The following CHADL variants were observed in gnomAD, a reference collection of about 807,000 sequenced individuals.
CHADL encodes the protein chondroadherin-like protein.
In CHADL, 48 loss-of-function variants were observed where a neutral mutation model predicts 52.1. The observed-to-expected ratio is 0.92, with a 90% confidence interval of 0.73 to 1.17. CHADL has a LOEUF of 1.17. CHADL is among the 50% of genes most tolerant of loss of function. The probability of loss-of-function intolerance (pLI) is 0.00; values close to 1 mark genes in which losing one functional copy is unlikely to be tolerated. For synonymous variants in CHADL, 498 were observed against 511.2 expected (o/e 0.97, Z 0.35); for missense variants, 977 against 1,035.1 (o/e 0.94, Z 0.77).
chr22:41,237,469 G>T lies in CHADL; in HGVS notation c.1603C>A (p.Arg535Ser), dbSNP rs778853105. The change falls in exon 3 of 6, where the codon CGC (arginine) becomes AGC (serine). Residue 535 changes from arginine to serine, a missense_variant. By Grantham distance (110) the Arg-to-Ser change is moderately radical (BLOSUM62 -1). Coordinates refer to ENST00000216241, the MANE Select transcript of CHADL (RefSeq NM_138481.2). The stretch of plus-strand genomic sequence containing the variant: ...CTCCCCAGGTCCCCAGGTGCCAGGC[G>T]GTCCACAGCGTTGTCCTGCAGGTGC... ...SLHLQDNAVDRLAPGDLGRTR... is the reference protein window; with the variant it reads ...SLHLQDNAVDSLAPGDLGRTR... The T allele has an allele frequency of 3.9e-6, 6 of 1,550,384 alleles. No homozygotes were observed. In the South Asian group the frequency reaches 7.1e-5, roughly 18 times the overall value.
Position 41,238,229 on chromosome 22 carries a change from G to C in CHADL, c.843C>G (p.His281Gln). ...PRAFAHCPRL[H>Q]TLDLRGNQLD... ...GCTGGTTCCCGCGGAGGTCGAGGGTGTGCAGGCGCGGACAGTGTGCGAAGG... is the reference window on the plus strand; with the variant it reads ...GCTGGTTCCCGCGGAGGTCGAGGGTCTGCAGGCGCGGACAGTGTGCGAAGG... The change falls in exon 3 of 6, where the codon CAC becomes CAG. Residue 281 changes from histidine to glutamine, a missense_variant. Physicochemically the swap from His to Gln is conservative, Grantham distance 24 (BLOSUM62 0). Transcript: ENST00000216241. The surrounding 1 kb of genome is among the most constrained non-coding windows in gnomAD (Gnocchi z 4.9). 1 of 1,528,594 alleles carries C rather than the reference G, an allele frequency of 6.5e-7. No individual in the cohort carries two copies. 94.7% of individuals were successfully genotyped at this position (1,528,594 alleles called of 1,614,324 possible).
intron 5 of CHADL, chr22:41,230,320 C>G: frequency 8.8e-7 from 1 of 1,133,864 alleles, no homozygotes; most frequent in Non-Finnish European, 1.3e-6. Context: ...CACCACCATG[C>G]CTCCACCTGA....
rs1211308906 is a variant in CHADL at position 41,238,456 on chromosome 22, G to A, written c.616C>T (p.Pro206Ser). 1.2e-5 allele frequency: 18 copies of A among 1,529,960 alleles called. No homozygotes were observed. The East Asian group carries it at 4.4e-4, about 38-fold the overall frequency. The allele number at this position is 1,529,960 out of a possible 1,614,324, so 94.8% of individuals were successfully genotyped here. The change falls in exon 3 of 6, where the codon CCC becomes TCC. Residue 206 changes from proline (P) to serine (S), a missense_variant. Coordinates refer to ENST00000216241, the MANE Select transcript of CHADL (RefSeq NM_138481.2). This position sits in a 1 kb window ranked among gnomAD's most constrained non-coding sequence, Gnocchi z 4.9. ...TGTAGGCTGAGCCGTCTCAGGGCGG[G>A]CAGGCCAGCCAGGGCCTCGGGGGCC... ...VLAPEALAGL[P>S]ALRRLSLHHN... is the part of the protein sequence containing the mutation.
rs1336352954 is a variant in CHADL, at chr22:41,238,905, AGT to A, written c.187-22_187-21del. ...GGTCAGCTGGGGACAGCGAGGAGAA[AGT>A]GGGGCTGAGCCAGGCAGGGACCCCG... On this transcript the variant is annotated intron_variant, in intron 2 of 5. Coordinates refer to ENST00000216241, the MANE Select transcript of CHADL (RefSeq NM_138481.2). The surrounding 1 kb of genome is among the most constrained non-coding windows in gnomAD (Gnocchi z 4.9). 1 of 1,515,540 alleles carries A rather than the reference AGT, an allele frequency of 6.6e-7. No homozygotes were observed. 93.9% of individuals were successfully genotyped at this position (1,515,540 alleles called of 1,614,324 possible).
chr22:41,230,640 CTCTG>C (rs1329684595), intron 5 of CHADL: 3 of 211,866 alleles, frequency 1.4e-5, no homozygotes, highest in Admixed American at 5.4e-5. Context: ...AGACAGTGAA[CTCTG>C]TCTGCCTGAA....
intron 5 of CHADL, among the ~76,000 whole-genome samples, chr22:41,234,388 T>TATG (rs2032696204): frequency 6.8e-6 from 1 of 147,566 alleles, no homozygotes; most frequent in Non-Finnish European, 1.5e-5. Context: ...TTATTATTAT[T>TATG]ATTATTATTA....
intron 4 of CHADL, among the ~76,000 whole-genome samples, chr22:41,235,619 C>T (rs543865413): frequency 1.3e-5 from 2 of 152,200 alleles, no homozygotes; most frequent in South Asian, 2.1e-4. Flanking sequence ...CACTTCAAGC[C>T]TCTGATCCCT....
chr22:41,231,078 C>G (rs1052923151), intron 5 of CHADL: 1 of 152,206 alleles, frequency 6.6e-6, no homozygotes. Context: ...ACTGGAGCCT[C>G]TAGAGAGCTG....
At chr22:41,232,020 T>C (rs972399718) in intron 5 of CHADL, among the ~76,000 whole-genome samples, 4 of 152,158 alleles carry the variant, frequency 2.6e-5, no homozygotes, top group Admixed American at 2.6e-4. Context: ...CAGTACAGTT[T>C]AGTCGTTTGG....
chr22:41,238,661 C>T lies in CHADL; in HGVS notation c.411G>A (p.Arg137=), dbSNP rs1369162259. Residue 137 remains arginine, a synonymous_variant, in exon 3 of 6, where the codon CGG becomes CGA. Coordinates refer to ENST00000216241, the MANE Select transcript of CHADL (RefSeq NM_138481.2). The surrounding 1 kb of genome is among the most constrained non-coding windows in gnomAD (Gnocchi z 4.9). The part of the protein sequence containing the change: ...QEALDGLGSL[R]RLELEGNALE... Reference sequence around the variant, plus strand: ...GTGCGTTCCCCTCCAGCTCCAGCCGCCGCAACGAGCCCAGCCCGTCCAGCG... The same window carrying T: ...GTGCGTTCCCCTCCAGCTCCAGCCGTCGCAACGAGCCCAGCCCGTCCAGCG... 1 of 1,544,686 alleles carries T rather than the reference C, an allele frequency of 6.5e-7. No homozygotes were observed. The highest frequency in any genetic ancestry group is 8.7e-7 in the Non-Finnish European group (1 of 1,145,848).
intron 5 of CHADL, among the ~76,000 whole-genome samples, chr22:41,233,458 A>G (rs547869880): frequency 1.3e-5 from 2 of 152,166 alleles, no homozygotes; most frequent in Admixed American, 6.5e-5. Flanking sequence ...GCAAAACTCC[A>G]TCTCAGAAAA....
At position 41,229,658 on chromosome 22, in the gene CHADL, T is replaced by A; in HGVS notation, c.*46A>T. 6.2e-7 allele frequency: 1 copy of A among 1,612,898 alleles called. No individual in the cohort carries two copies. ...CGTCGGAGCCTGTTCCTGGCGAGAG[T>A]AAGAGCCACCGGGCTGGGTCAAGGC... On this transcript the variant is annotated 3_prime_UTR_variant, in exon 6 of 6. Transcript: ENST00000216241.
intron 5 of CHADL, chr22:41,230,445 T>A (rs1340590344): frequency 1.0e-5 from 6 of 581,998 alleles, no homozygotes; most frequent in African/African-American, 3.8e-5. Flanking sequence ...TGCCCTCCCC[T>A]GTGGAAAGGT....
chr22:41,239,489 G>C lies in CHADL; in HGVS notation c.140C>G (p.Ala47Gly). The C allele has an allele frequency of 6.4e-7, 1 of 1,550,778 alleles. No homozygotes were observed. Among genetic ancestry groups the C allele is most frequent in the Non-Finnish European group, 8.7e-7 (1 of 1,146,876 alleles). ...CTCAGTGAGGTTCTGGTACCGGCAG[G>C]CAACGTGTCGCCTGGAGTTGTCACA... ...CICDNSRRHV[A>G]CRYQNLTEVP... The change falls in exon 2 of 6, where the codon GCC (alanine) becomes GGC (glycine). Residue 47 changes from alanine to glycine, a missense_variant. Coordinates refer to ENST00000216241, the MANE Select transcript of CHADL (RefSeq NM_138481.2).
chr22:41,230,533 G>A (rs1169053052), intron 5 of CHADL: 6 of 432,776 alleles, frequency 1.4e-5, no homozygotes, highest in South Asian at 1.2e-4. Context: ...AAGCTGGAAC[G>A]CTAGCTGCCT....
In CHADL at chr22:41,238,759, C is replaced by T. The variant is rs1218615639; in HGVS notation, c.313G>A (p.Ala105Thr). Residue 105 changes from alanine to threonine, a missense_variant, in exon 3 of 6, where the codon GCC becomes ACC. Transcript: ENST00000216241. The surrounding 1 kb of genome is among the most constrained non-coding windows in gnomAD (Gnocchi z 4.9). ...AGCAGGCGGCCCAGGCCACGGAAGG[C>T]GCCCTCGGCCACCAGCTCCACCTCG... ...HCEVELVAEG[A>T]FRGLGRLLLL... 6 of 1,549,010 alleles carry T rather than the reference C, an allele frequency of 3.9e-6. No individual in the cohort carries two copies. Among genetic ancestry groups the T allele is most frequent in the Non-Finnish European group, 5.2e-6 (6 of 1,146,754 alleles).
chr22:41,232,245 T>TGG (rs2032627722), intron 5 of CHADL, among the ~76,000 whole-genome samples: 1 of 150,462 alleles, frequency 6.6e-6, no homozygotes, highest in Non-Finnish European at 1.5e-5. Context: ...GGCAGGAGAA[T>TGG]CACTTGAACC....
At position 41,235,267 on chromosome 22, in the gene CHADL, C is replaced by T; in HGVS notation, c.2140G>A (p.Ala714Thr). 6.4e-7 allele frequency: 1 copy of T among 1,551,274 alleles called. No homozygotes were observed. The highest frequency in any genetic ancestry group is 8.7e-7 in the Non-Finnish European group (1 of 1,146,984). The change falls in exon 5 of 6, where the codon GCT (alanine) becomes ACT (threonine). Residue 714 changes from alanine to threonine, a missense_variant. Coordinates refer to ENST00000216241, the MANE Select transcript of CHADL (RefSeq NM_138481.2). The stretch of plus-strand genomic sequence containing the variant: ...CAGTCTTCAAAGACAGCAGCTGCAG[C>T]CTTCACCCTCTGGCCACGGGCATTG... ...PPNARGQRVK[A>T]AAAVFEDCPG...
chr22:41,240,779 G>T, intron 1 of CHADL, 95 bp downstream of exon 1: 1 of 1,449,828 alleles, frequency 6.9e-7, no homozygotes, highest in Middle Eastern at 1.7e-4. Flanking sequence ...GCCCCTGCCC[G>T]CCAGCCTCTG....
Sources: gnomAD v4.1 joint callset for allele counts (sites outside exome capture counted in the v4.1 genomes callset) on GRCh38, gnomAD v4.1.1 for gene constraint, Gnocchi (gnomAD v3.1) non-coding constraint, MANE v1.5 for transcripts, NCBI Gene and HGNC (gene_info 2026-07-23, HGNC 2026-07-21) for gene names.